The following ELF1 variants were observed in gnomAD, a reference collection of about 807,000 sequenced individuals.
ELF1 encodes the protein ETS-related transcription factor Elf-1.
ELF1 carries 24 observed loss-of-function variants against 59.9 expected under a neutral mutation model. The observed-to-expected ratio is 0.40, with a 90% CI of 0.29 to 0.56. ELF1 has a LOEUF of 0.56. ELF1 is among the 20% of genes least tolerant of loss of function. The pLI is 0.44. For synonymous variants in ELF1, 248 were observed against 266.2 expected (o/e 0.93, Z 0.67); for missense variants, 627 against 742.2 (o/e 0.84, Z 1.80).
chr13:40,960,288 T>C (rs1871734976), intron 2 of ELF1, among the ~76,000 whole-genome samples: 1 of 152,220 alleles, frequency 6.6e-6, no homozygotes, highest in Admixed American at 6.5e-5. Flanking sequence ...AAATCTTTTT[T>C]GGTTATAGGT....
chr13:41,050,655 A>G lies in ELF1; in HGVS notation c.-229+10183T>C, dbSNP rs1002643781. Among the ~76,000 whole-genome samples the G allele has an allele frequency of 2.6e-5, 4 of 152,090 alleles. 1 individual carries two copies. In the South Asian group the frequency reaches 8.3e-4, roughly 32 times the overall value. On this transcript the variant is annotated intron_variant, in intron 1 of 1. Transcript: ENST00000405737. ...CGCTGCAACCTCCCAGGTTCAAGGG[A>G]TTCTTCTGCTTCAGCCTCCCAAGTA... is the stretch of plus-strand genomic sequence containing the variant.
In ELF1 at chr13:40,934,024, T is replaced by G. The variant is rs772503411; in HGVS notation, c.1261A>C (p.Ile421Leu). The G allele has an allele frequency of 1.2e-6, 2 of 1,612,620 alleles. No individual in the cohort carries two copies. Among genetic ancestry groups the G allele is most frequent in the Admixed American group, 3.3e-5 (2 of 59,926 alleles). ...ACTGGAACTTGGGTTGGAGCCTGTA[T>G]AGTCCTATTGAGATGATGAAATTAA... ...LNSSVQSIRT[I>L]QAPTQVPVVV... Residue 421 changes from isoleucine (I) to leucine (L), a missense_variant, in exon 9 of 9, where the codon ATA (isoleucine) becomes CTA (leucine). Physicochemically the swap from Ile to Leu is conservative, Grantham distance 5. Coordinates refer to ENST00000239882, the MANE Select transcript of ELF1 (RefSeq NM_172373.4).
chr13:41,006,199 G>C (rs984258954), intron 1 of ELF1, among the ~76,000 whole-genome samples: 1 of 141,518 alleles, frequency 7.1e-6, no homozygotes, highest in African/African-American at 2.5e-5. Context: ...CAACCAGAAG[G>C]ATCTTGCTCA....
In ELF1 at chr13:40,944,553, C is replaced by A. The variant is rs1049640032; in HGVS notation, c.530-628G>T. Among the ~76,000 whole-genome samples the A allele has an allele frequency of 5.9e-5, 9 of 152,318 alleles. No homozygotes were observed. The East Asian group carries it at 1.5e-3, about 26-fold the overall frequency. The stretch of plus-strand genomic sequence containing the variant: ...CAATTCACAACAAACTTCATAGTTA[C>A]CTTACCCACCATCAATGTCTAAATA... On this transcript the variant is annotated intron_variant, in intron 5 of 8. Coordinates refer to ENST00000239882, the MANE Select transcript of ELF1 (RefSeq NM_172373.4).
chr13:41,042,317 T>G (rs1876648668), intron 1 of ELF1, among the ~76,000 whole-genome samples: 1 of 148,440 alleles, frequency 6.7e-6, no homozygotes, highest in African/African-American at 2.5e-5. Flanking sequence ...TTTTTTTTTA[T>G]TATTATTATA....
intron 1 of ELF1, among the ~76,000 whole-genome samples, chr13:41,034,161 T>C (rs1297765995): frequency 6.6e-6 from 1 of 152,114 alleles, no homozygotes; most frequent in Non-Finnish European, 1.5e-5. Flanking sequence ...TTCTACAAAA[T>C]ACCTGACTGG....
At chr13:41,054,606 G>A (rs1341277582) in intron 1 of ELF1, among the ~76,000 whole-genome samples, 1 of 152,166 alleles carries the variant, frequency 6.6e-6, no homozygotes, top group Admixed American at 6.5e-5. Flanking sequence ...TTCTGAAGTC[G>A]TAGATTTTTT....
intron 1 of ELF1, among the ~76,000 whole-genome samples, chr13:41,018,161 T>C (rs993795998): frequency 6.6e-6 from 1 of 152,220 alleles, no homozygotes; most frequent in African/African-American, 2.4e-5. Flanking sequence ...CCAAAAACTT[T>C]ATTTTTTGGA....
At chr13:41,057,980 A>C (rs185001849) in intron 1 of ELF1, among the ~76,000 whole-genome samples, 1 of 152,350 alleles carries the variant, frequency 6.6e-6, no homozygotes, top group East Asian at 1.9e-4. Flanking sequence ...AGTGAATTCT[A>C]ATTAACTGAT....
chr13:40,971,285 T>C (rs552510254), intron 2 of ELF1, among the ~76,000 whole-genome samples: 19 of 152,058 alleles, frequency 1.2e-4, no homozygotes, highest in Non-Finnish European at 2.2e-4. Flanking sequence ...TGAGACAGGG[T>C]CTTACTCTGT....
At chr13:40,948,324 G>C (rs151040355) in intron 5 of ELF1, among the ~76,000 whole-genome samples, 8 of 152,152 alleles carry the variant, frequency 5.3e-5, no homozygotes, top group African/African-American at 1.9e-4. Context: ...TGTGCCAATG[G>C]GTGGATTTCT....
At chr13:40,960,923 T>C (rs1324681506) in intron 2 of ELF1, among the ~76,000 whole-genome samples, 2 of 152,278 alleles carry the variant, frequency 1.3e-5, no homozygotes, top group East Asian at 1.9e-4. Context: ...CAAGCTAGAG[T>C]GCAGTGTGGC....
intron 1 of ELF1, among the ~76,000 whole-genome samples, chr13:41,001,964 C>T (rs1026997152): frequency 6.6e-6 from 1 of 152,152 alleles, no homozygotes; most frequent in African/African-American, 2.4e-5. Context: ...ATATCTAACT[C>T]CTAGTTACAA....
chr13:41,022,950 G>T (rs1409063961), upstream of ELF1, among the ~76,000 whole-genome samples: 7 of 152,142 alleles, frequency 4.6e-5, no homozygotes, highest in East Asian at 1.4e-3. Context: ...AGAAAGGAAG[G>T]GAGGAAGGGA....
intron 1 of ELF1, among the ~76,000 whole-genome samples, chr13:41,039,048 G>A (rs4365172): frequency 0.18 from 25,292 of 144,412 alleles, 2,289 homozygotes; most frequent in Non-Finnish European, 0.19. Flanking sequence ...TATGACAAAA[G>A]GGCAGGAAAA....
intron 1 of ELF1, among the ~76,000 whole-genome samples, chr13:41,052,128 C>T (rs754183656): frequency 3.9e-5 from 6 of 151,958 alleles, no homozygotes; most frequent in East Asian, 1.9e-4. Flanking sequence ...TTAGTAGAGA[C>T]GAGGTTTCAT....
chr13:41,051,468 T>G (rs1342790008), intron 1 of ELF1, among the ~76,000 whole-genome samples: 1 of 152,058 alleles, frequency 6.6e-6, no homozygotes, highest in Non-Finnish European at 1.5e-5. Flanking sequence ...ACACAGACGT[T>G]TGAACAGCTG....
intron 1 of ELF1, among the ~76,000 whole-genome samples, chr13:40,984,833 A>G (rs1476942261): frequency 1.3e-5 from 2 of 152,228 alleles, no homozygotes; most frequent in Non-Finnish European, 2.9e-5. Context: ...ACGTCTAGGT[A>G]AATTTAAGTT....
At chr13:40,976,273 C>T (rs1305143034) in intron 2 of ELF1, among the ~76,000 whole-genome samples, 1 of 152,142 alleles carries the variant, frequency 6.6e-6, no homozygotes, top group African/African-American at 2.4e-5. Flanking sequence ...ATAATGAAGT[C>T]AAGAGAATCT....
Sources: gnomAD v4.1 joint callset for allele counts (sites outside exome capture counted in the v4.1 genomes callset) on GRCh38, gnomAD v4.1.1 for gene constraint, MANE v1.5 for transcripts, NCBI Gene and HGNC (gene_info 2026-07-23, HGNC 2026-07-21) for gene names.